The following AKT3 variants were observed in gnomAD, a reference collection of about 807,000 sequenced individuals.
The protein encoded by AKT3 is RAC-gamma serine/threonine-protein kinase.
AKT3 carries 15 observed loss-of-function variants against 65.3 expected under a neutral mutation model. The observed-to-expected ratio is 0.23, with a 90% CI of 0.15 to 0.35. The LOEUF (loss-of-function observed/expected upper bound fraction) is 0.35. AKT3 is among the 10% of genes least tolerant of loss of function. The pLI is 1.00. For synonymous variants in AKT3, 206 were observed against 183.8 expected (o/e 1.12, Z -0.98); for missense variants, 243 against 576.5 (o/e 0.42, Z 5.92).
chr1:243,546,144 G>A (rs755916993), intron 11 of AKT3, among the ~76,000 whole-genome samples: 11 of 152,214 alleles, frequency 7.2e-5, no homozygotes, highest in Non-Finnish European at 1.0e-4. Context: ...TATAAAGGGC[G>A]ATTCCCCTGC....
intron 12 of AKT3, among the ~76,000 whole-genome samples, chr1:243,518,321 C>T (rs770611388): frequency 4.6e-5 from 7 of 152,034 alleles, no homozygotes; most frequent in Non-Finnish European, 1.0e-4. Context: ...GGAACATTGT[C>T]GGGTAGGGCT....
chr1:243,844,805 T>G (rs1456025355), intron 1 of AKT3, among the ~76,000 whole-genome samples: 2 of 152,158 alleles, frequency 1.3e-5, no homozygotes, highest in African/African-American at 2.4e-5. Context: ...TGCGGGAAAG[T>G]CCTCAAAAAC....
intron 2 of AKT3, among the ~76,000 whole-genome samples, chr1:243,772,260 G>GA (rs1690234332): frequency 6.6e-6 from 1 of 151,948 alleles, no homozygotes; most frequent in Non-Finnish European, 1.5e-5. Flanking sequence ...GCAACCTACA[G>GA]AATGGGAGAA....
At chr1:243,588,193 C>T (rs962589829) in intron 8 of AKT3, among the ~76,000 whole-genome samples, 1 of 152,270 alleles carries the variant, frequency 6.6e-6, no homozygotes, top group African/African-American at 2.4e-5. Context: ...GGAAGCTATA[C>T]AGAATCTGCA....
At chr1:243,664,921 T>TCC in intron 3 of AKT3, 38 bp from the exon 4 acceptor site, 1 of 1,217,130 alleles carries the variant, frequency 8.2e-7, no homozygotes, top group Non-Finnish European at 1.1e-6. Flanking sequence ...AATATGGATA[T>TCC]ATTTAAAACA....
At chr1:243,559,108 G>T (rs536608838) in intron 10 of AKT3, among the ~76,000 whole-genome samples, 1 of 152,066 alleles carries the variant, frequency 6.6e-6, no homozygotes, top group Admixed American at 6.6e-5. Flanking sequence ...TAATTTCTAG[G>T]TGTGAAAATA....
chr1:243,648,425 C>A (rs1258222203), intron 4 of AKT3, among the ~76,000 whole-genome samples: 1 of 152,080 alleles, frequency 6.6e-6, no homozygotes, highest in African/African-American at 2.4e-5. Flanking sequence ...GGGAGAAGCT[C>A]CATTTGGCCA....
At chr1:243,738,191 T>G (rs1202849651) in intron 2 of AKT3, among the ~76,000 whole-genome samples, 1 of 152,188 alleles carries the variant, frequency 6.6e-6, no homozygotes, top group Non-Finnish European at 1.5e-5. Flanking sequence ...GACAACTGGG[T>G]TCCTTTGCCA....
chr1:243,779,633 G>C (rs1013160361), intron 2 of AKT3, among the ~76,000 whole-genome samples: 1 of 151,978 alleles, frequency 6.6e-6, no homozygotes, highest in African/African-American at 2.4e-5. Context: ...AAATAGAATG[G>C]ATCAGGACAG....
chr1:243,646,714 T>C (rs948927054), intron 4 of AKT3, among the ~76,000 whole-genome samples: 4 of 152,250 alleles, frequency 2.6e-5, no homozygotes, highest in Non-Finnish European at 4.4e-5. Context: ...AGTGTTTTGC[T>C]TAGCTATTTT....
At chr1:243,580,557 A>T (rs149756008) in intron 8 of AKT3, among the ~76,000 whole-genome samples, 2 of 152,310 alleles carry the variant, frequency 1.3e-5, no homozygotes, top group East Asian at 3.9e-4. Flanking sequence ...GGAATGGGAT[A>T]GGGGCTTCAC....
At chr1:243,763,613 C>G (rs1303190716) in intron 2 of AKT3, among the ~76,000 whole-genome samples, 1 of 151,958 alleles carries the variant, frequency 6.6e-6, no homozygotes, top group Non-Finnish European at 1.5e-5. Flanking sequence ...AATTCTATAG[C>G]ATACTCAAAT....
At chr1:243,788,054 A>C (rs549634303) in intron 2 of AKT3, among the ~76,000 whole-genome samples, 1 of 152,318 alleles carries the variant, frequency 6.6e-6, no homozygotes, top group East Asian at 1.9e-4. Context: ...ATTCTAAAAA[A>C]AAACTTTCAA....
At chr1:243,639,749 A>C (rs989382938) in intron 5 of AKT3, among the ~76,000 whole-genome samples, 22 of 152,160 alleles carry the variant, frequency 1.4e-4, no homozygotes, top group African/African-American at 4.8e-4. Flanking sequence ...AAAAATAACC[A>C]CAAAAATAGC....
intron 4 of AKT3, among the ~76,000 whole-genome samples, chr1:243,652,771 CAA>C (rs371580711): frequency 9.3e-4 from 29 of 31,290 alleles, no homozygotes; most frequent in African/African-American, 2.2e-3. Context: ...AAATAGAAAG[CAA>C]AAAAAAAAAA....
intron 4 of AKT3, among the ~76,000 whole-genome samples, chr1:243,658,706 G>A (rs930329327): frequency 3.3e-5 from 5 of 152,028 alleles, no homozygotes; most frequent in Admixed American, 1.3e-4. Flanking sequence ...TAGCCAAGAG[G>A]TGGAAACAAT....
intron 2 of AKT3, among the ~76,000 whole-genome samples, chr1:243,705,079 A>G (rs960937300): frequency 2.0e-5 from 3 of 152,168 alleles, no homozygotes; most frequent in Non-Finnish European, 1.5e-5. Context: ...ATGTTCCCTC[A>G]TGATTATTTT....
chr1:243,495,784 G>A (rs761817817), downstream of AKT3, among the ~76,000 whole-genome samples: 3 of 152,208 alleles, frequency 2.0e-5, no homozygotes, highest in Non-Finnish European at 2.9e-5. Flanking sequence ...CGTTGGTGGC[G>A]AGCCAGAGCT....
At chr1:243,634,627 G>A (rs1444062539) in intron 6 of AKT3, among the ~76,000 whole-genome samples, 2 of 151,786 alleles carry the variant, frequency 1.3e-5, no homozygotes, top group East Asian at 3.8e-4. Flanking sequence ...AGGGGGTACT[G>A]CCATAGTAAC....
Sources: gnomAD v4.1 joint callset for allele counts (sites outside exome capture counted in the v4.1 genomes callset) on GRCh38, gnomAD v4.1.1 for gene constraint, MANE v1.5 for transcripts, NCBI Gene and HGNC (gene_info 2026-07-23, HGNC 2026-07-21) for gene names.